The following ARB2A variants were observed in gnomAD, a reference collection of about 807,000 sequenced individuals.
The protein encoded by ARB2A is cotranscriptional regulator ARB2A.
the ARB2A span, among the ~76,000 whole-genome samples, chr5:93,663,463 G>A: frequency 6.6e-6 from 1 of 152,152 alleles, no homozygotes; most frequent in Non-Finnish European, 1.5e-5. Flanking sequence ...GAGGAGTAGG[G>A]AAATTGGGAG....
the ARB2A span, among the ~76,000 whole-genome samples, chr5:93,792,300 A>G: frequency 6.6e-6 from 1 of 152,232 alleles, no homozygotes; most frequent in African/African-American, 2.4e-5. Context: ...ATAAAAGTGT[A>G]AGTTAGGACT....
chr5:93,727,709 C>A, the ARB2A span, among the ~76,000 whole-genome samples: 4 of 152,040 alleles, frequency 2.6e-5, no homozygotes, highest in African/African-American at 4.8e-5. Context: ...ATTATATACA[C>A]TTTGGGGATT....
chr5:93,664,803 G>T, the ARB2A span, among the ~76,000 whole-genome samples: 1 of 151,882 alleles, frequency 6.6e-6, no homozygotes. Flanking sequence ...TGAAGTCATC[G>T]TATCATTTTG....
the ARB2A span, among the ~76,000 whole-genome samples, chr5:93,783,008 T>C: frequency 3.3e-5 from 5 of 152,258 alleles, no homozygotes; most frequent in East Asian, 7.7e-4. Flanking sequence ...AGATGGAAGC[T>C]ACACAGATTA....
chr5:93,730,521 T>C, the ARB2A span, among the ~76,000 whole-genome samples: 1 of 152,242 alleles, frequency 6.6e-6, no homozygotes, highest in African/African-American at 2.4e-5. Flanking sequence ...TTACAGTAAA[T>C]ATATGTAAAA....
chr5:93,881,376 A>T, the ARB2A span: 2 of 941,746 alleles, frequency 2.1e-6, no homozygotes, highest in African/African-American at 3.4e-5. Context: ...AAATAAAAAA[A>T]TTAATATTCT....
the ARB2A span, among the ~76,000 whole-genome samples, chr5:94,111,341 G>A: frequency 6.6e-6 from 1 of 152,150 alleles, no homozygotes; most frequent in South Asian, 2.1e-4. Context: ...GCCCATCAGC[G>A]GAGGCCCAGA....
the ARB2A span, among the ~76,000 whole-genome samples, chr5:93,670,759 T>C: frequency 0.022 from 3,409 of 152,320 alleles, 58 homozygotes; most frequent in Non-Finnish European, 0.033. Flanking sequence ...GAAAAAATTA[T>C]GAGTCTAGAA....
the ARB2A span, among the ~76,000 whole-genome samples, chr5:94,091,231 ATAGT>A: frequency 6.6e-6 from 1 of 152,256 alleles, no homozygotes; most frequent in South Asian, 2.1e-4. Flanking sequence ...GTTGTTTTAA[ATAGT>A]TTGTTTTCAA....
At chr5:93,657,031 T>G in the ARB2A span, among the ~76,000 whole-genome samples, 1 of 152,132 alleles carries the variant, frequency 6.6e-6, no homozygotes, top group South Asian at 2.1e-4. Flanking sequence ...CTGTAAAAAG[T>G]GCGACTTCCA....
At chr5:93,810,181 G>A in the ARB2A span, among the ~76,000 whole-genome samples, 1 of 150,482 alleles carries the variant, frequency 6.6e-6, no homozygotes, top group Admixed American at 6.6e-5. Context: ...ACAAATTTTC[G>A]TTGTGTAGGT....
At chr5:94,107,569 T>C in the ARB2A span, among the ~76,000 whole-genome samples, 14 of 151,750 alleles carry the variant, frequency 9.2e-5, no homozygotes, top group African/African-American at 2.9e-4. Context: ...CTTGAACTTA[T>C]AGGCAATTGG....
chr5:93,848,087 T>A, the ARB2A span, among the ~76,000 whole-genome samples: 1,734 of 152,260 alleles, frequency 0.011, 15 homozygotes, highest in East Asian at 0.027. Context: ...CCAAATTTTT[T>A]AAAAAAGAGA....
the ARB2A span, among the ~76,000 whole-genome samples, chr5:93,641,786 A>C: frequency 2.0e-5 from 3 of 152,218 alleles, no homozygotes; most frequent in Non-Finnish European, 4.4e-5. Flanking sequence ...TACAGCAGTA[A>C]AGCTACCTTT....
chr5:93,618,714 T>C, the ARB2A span: 1 of 152,186 alleles, frequency 6.6e-6, no homozygotes, highest in African/African-American at 2.4e-5. Flanking sequence ...GATTCACAAG[T>C]AGAAATTACA....
chr5:94,092,037 C>T, the ARB2A span, among the ~76,000 whole-genome samples: 4 of 152,134 alleles, frequency 2.6e-5, no homozygotes, highest in African/African-American at 9.6e-5. Context: ...GTACTGACAC[C>T]TCTCCAAAGC....
the ARB2A span, among the ~76,000 whole-genome samples, chr5:93,691,098 A>G: frequency 6.6e-6 from 1 of 152,194 alleles, no homozygotes. Flanking sequence ...TGAAAATTCC[A>G]AAAATCAGAA....
At chr5:94,045,472 C>T in the ARB2A span, among the ~76,000 whole-genome samples, 1 of 152,028 alleles carries the variant, frequency 6.6e-6, no homozygotes. Flanking sequence ...TTATCAAATA[C>T]TTTTAAATCA....
the ARB2A span, among the ~76,000 whole-genome samples, chr5:93,653,469 G>A: frequency 1.7e-5 from 2 of 119,236 alleles, no homozygotes; most frequent in African/African-American, 6.4e-5. Flanking sequence ...CCAAGATAGC[G>A]CCACTGCAGT....
Sources: allele counts gnomAD v4.1 joint callset (sites outside exome capture counted in the v4.1 genomes callset), GRCh38; gene constraint gnomAD v4.1.1; transcripts MANE v1.5; gene names NCBI Gene and HGNC (gene_info 2026-07-23, HGNC 2026-07-21).